TNS3: variants seen among roughly 807,000 people sequenced by gnomAD.
TNS3 encodes tensin 3, also known as tensin-3.
A neutral mutation model predicts 140.9 loss-of-function variants in TNS3; 45 were observed. That is an observed-to-expected ratio of 0.32 (90% confidence interval 0.25 to 0.41). TNS3 has a LOEUF of 0.41. Among genes scored for constraint, TNS3 ranks in the 10% least tolerant of loss-of-function variants. The pLI is 1.00. For synonymous variants in TNS3, 815 were observed against 788.4 expected, an observed-to-expected ratio of 1.03 and a Z score of -0.56; for missense variants, 1,716 against 1,906.7, an observed-to-expected ratio of 0.90 and a Z score of 1.86.
chr7:47,352,378 G>A (rs1047088167), intron 17 of TNS3, among the ~76,000 whole-genome samples: 3 of 152,110 alleles, frequency 2.0e-5, no homozygotes, highest in African/African-American at 4.8e-5. Flanking sequence ...TCACACTCAC[G>A]CACAGTCTCA....
At chr7:47,351,045 C>T (rs1789639361) in intron 17 of TNS3, among the ~76,000 whole-genome samples, 2 of 152,184 alleles carry the variant, frequency 1.3e-5, no homozygotes, top group Non-Finnish European at 1.5e-5. Context: ...ATGTTTCTAT[C>T]TTTCAGGGTT....
intron 4 of TNS3, among the ~76,000 whole-genome samples, chr7:47,460,619 T>C (rs1796451227): frequency 6.6e-6 from 1 of 152,192 alleles, no homozygotes; most frequent in Non-Finnish European, 1.5e-5. Flanking sequence ...CCAGGCTGAC[T>C]GTGAACAGCA....
chr7:47,335,171 T>C (rs1788563015), intron 20 of TNS3, among the ~76,000 whole-genome samples: 1 of 152,198 alleles, frequency 6.6e-6, no homozygotes, highest in African/African-American at 2.4e-5. Flanking sequence ...GATACTGTCC[T>C]CCAACACATG....
At chr7:47,325,689 C>T (rs1787990101) in intron 20 of TNS3, among the ~76,000 whole-genome samples, 1 of 152,090 alleles carries the variant, frequency 6.6e-6, no homozygotes, top group Non-Finnish European at 1.5e-5. Flanking sequence ...CTCAGGTGAG[C>T]CTAATGTAAA....
chr7:47,346,285 C>G lies in TNS3; in HGVS notation c.2353G>C (p.Gly785Arg), dbSNP rs1286205765. Residue 785 changes from glycine to arginine, a missense_variant, in exon 18 of 31, where the codon GGG becomes CGG. Transcript: ENST00000311160. ...LSLGQYDNDA[G>R]GQLPFSKCAW... is the part of the protein sequence containing the mutation. Reference sequence around the variant, plus strand: ...CATTTGGAGAAGGGCAGCTGCCCCCCAGCATCGTTGTCGTACTGCCCCAGG... The same window carrying G: ...CATTTGGAGAAGGGCAGCTGCCCCCGAGCATCGTTGTCGTACTGCCCCAGG... The G allele has an allele frequency of 1.9e-6, 3 of 1,614,114 alleles. No homozygotes were observed. In the African/African-American group the frequency reaches 4.0e-5, roughly 22 times the overall value.
chr7:47,492,198 T>G (rs1797839482), intron 3 of TNS3, among the ~76,000 whole-genome samples: 1 of 152,188 alleles, frequency 6.6e-6, no homozygotes, highest in Non-Finnish European at 1.5e-5. Context: ...CACCCTACAC[T>G]GGCTTTCTGT....
intron 9 of TNS3, among the ~76,000 whole-genome samples, chr7:47,425,308 C>T (rs1049905136): frequency 1.3e-5 from 2 of 152,058 alleles, no homozygotes; most frequent in Non-Finnish European, 2.9e-5. Flanking sequence ...CAGAGTGAGA[C>T]TCCATCTCAA....
intron 1 of TNS3, among the ~76,000 whole-genome samples, chr7:47,530,838 A>AAAAAAAAAAAAAAAAATATATATATAT: frequency 2.4e-4 from 13 of 54,538 alleles, no homozygotes; most frequent in Non-Finnish European, 3.6e-4. Context: ...AAAAAAAAAA[A>AAAAAAAAAAAAAAAAATATATATATAT]ATATATATAT....
chr7:47,486,390 G>T (rs1797617559), intron 3 of TNS3, among the ~76,000 whole-genome samples: 1 of 152,130 alleles, frequency 6.6e-6, no homozygotes, highest in South Asian at 2.1e-4. Flanking sequence ...CTCCGTGTGT[G>T]AGTGTATACC....
At chr7:47,483,326 C>T (rs979521460) in intron 3 of TNS3, among the ~76,000 whole-genome samples, 100 of 151,952 alleles carry the variant, frequency 6.6e-4, no homozygotes, top group Admixed American at 4.0e-3. Context: ...CCCGCCACCA[C>T]GCCTGGCTAA....
At chr7:47,476,162 G>A (rs188282258) in intron 4 of TNS3, among the ~76,000 whole-genome samples, 4 of 152,298 alleles carry the variant, frequency 2.6e-5, no homozygotes, top group Admixed American at 1.3e-4. Flanking sequence ...TTCGATCCTG[G>A]CAGTGACCCC....
At chr7:47,483,696 C>T (rs1026975844) in intron 3 of TNS3, among the ~76,000 whole-genome samples, 3 of 152,162 alleles carry the variant, frequency 2.0e-5, no homozygotes, top group Admixed American at 6.5e-5. Flanking sequence ...GGTGCAATAA[C>T]GGCCCACCAC....
rs115727923 is a variant in TNS3, at chr7:47,393,397, G to A, written c.1024+3403C>T. 7.3e-3 allele frequency among the ~76,000 whole-genome samples: 1,113 copies of A among 152,272 alleles called. 14 individuals carry two copies. Among genetic ancestry groups the A allele is most frequent in the African/African-American group, 0.025 (1,037 of 41,550 alleles). The stretch of plus-strand genomic sequence containing the variant: ...GGATGCAGATTTGAGGAAAGGCTCC[G>A]TGCTTGTCTGTAACTCAGGAGCTGG... On this transcript the variant is annotated intron_variant, in intron 16 of 30. Coordinates refer to ENST00000311160, the MANE Select transcript of TNS3 (RefSeq NM_022748.12).
intron 2 of TNS3, among the ~76,000 whole-genome samples, chr7:47,519,823 T>TC (rs1225262335): frequency 1.0e-4 from 13 of 128,378 alleles, no homozygotes; most frequent in African/African-American, 3.9e-4. Flanking sequence ...TTTCTTTTTT[T>TC]TTTTTTTTTT....
At chr7:47,561,043 G>A (rs10951906) in intron 1 of TNS3, among the ~76,000 whole-genome samples, 147,971 of 152,348 alleles carry the variant, frequency 0.97, 71,996 homozygotes, top group East Asian at 1. Context: ...GAGGCACAGC[G>A]TGGTCACCTC....
At chr7:47,319,955 G>C (rs992108061) in intron 20 of TNS3, among the ~76,000 whole-genome samples, 4 of 152,196 alleles carry the variant, frequency 2.6e-5, no homozygotes, top group African/African-American at 7.2e-5. Context: ...AATGAGGAAT[G>C]CAACACTGGG....
chr7:47,428,579 T>G (rs945431711), intron 8 of TNS3, among the ~76,000 whole-genome samples: 8 of 152,092 alleles, frequency 5.3e-5, no homozygotes, highest in Non-Finnish European at 1.2e-4. Context: ...GCACGCTGGG[T>G]GCAAACAGTA....
intron 20 of TNS3, among the ~76,000 whole-genome samples, chr7:47,322,289 T>C (rs12539717): frequency 0.26 from 38,742 of 148,868 alleles, 5,572 homozygotes; most frequent in South Asian, 0.34. Flanking sequence ...TTTGGGAGAC[T>C]GACGCAGGCG....
intron 15 of TNS3, among the ~76,000 whole-genome samples, chr7:47,399,111 A>G (rs910409670): frequency 4.0e-5 from 6 of 148,394 alleles, no homozygotes; most frequent in Non-Finnish European, 7.5e-5. Flanking sequence ...CTAGAAATAT[A>G]CTTAATCAAA....
Sources: allele counts gnomAD v4.1 joint callset (sites outside exome capture counted in the v4.1 genomes callset), GRCh38; gene constraint gnomAD v4.1.1; transcripts MANE v1.5; gene names NCBI Gene and HGNC (gene_info 2026-07-23, HGNC 2026-07-21).